PDE10A: variants seen among roughly 807,000 people sequenced by gnomAD.
PDE10A encodes the protein phosphodiesterase 10A.
Under a neutral mutation model 97.7 loss-of-function variants are expected in PDE10A, and 39 were observed. The ratio of observed to expected loss-of-function variants is 0.40; its 90% confidence interval spans 0.31 to 0.52. The LOEUF (loss-of-function observed/expected upper bound fraction) is 0.52, where lower values mean the gene tolerates loss of function less well. Ranked by LOEUF, PDE10A falls within the 20% of genes least tolerant of loss-of-function variation. PDE10A has a pLI of 0.56. For missense variants in PDE10A, 731 were observed against 1,047.8 expected (o/e 0.70, Z 4.17); for synonymous variants, 371 against 376.8 (o/e 0.98, Z 0.18).
intron 3 of PDE10A, 56 bp from the exon 4 acceptor site, chr6:165,450,418 A>C: frequency 1.9e-6 from 2 of 1,061,642 alleles, no homozygotes; most frequent in Non-Finnish European, 2.7e-6. Flanking sequence ...TATAACAAAA[A>C]TTCCTTAGTC....
intron 3 of PDE10A, among the ~76,000 whole-genome samples, chr6:165,453,433 T>C (rs1289832860): frequency 1.3e-5 from 2 of 152,168 alleles, no homozygotes; most frequent in African/African-American, 4.8e-5. Flanking sequence ...AGAAAGACCA[T>C]AAAGCTGCTT....
intron 13 of PDE10A, among the ~76,000 whole-genome samples, chr6:165,405,389 C>T (rs949150772): frequency 1.3e-5 from 2 of 152,070 alleles, no homozygotes; most frequent in African/African-American, 4.8e-5. Flanking sequence ...AACAACAAAC[C>T]AGCTATATAT....
At chr6:165,592,084 C>T (rs559597399) in intron 1 of PDE10A, among the ~76,000 whole-genome samples, 1 of 152,306 alleles carries the variant, frequency 6.6e-6, no homozygotes, top group African/African-American at 2.4e-5. Flanking sequence ...ACCAAAACAG[C>T]ATGGTACTGA....
intron 1 of PDE10A, among the ~76,000 whole-genome samples, chr6:165,907,035 G>C (rs190978244): frequency 1.3e-5 from 2 of 152,184 alleles, no homozygotes; most frequent in African/African-American, 4.8e-5. Flanking sequence ...CTTTCTTTAC[G>C]GGCCAGGCAA....
rs367815321 is a variant in PDE10A, at chr6:165,779,155, C to T, written c.-615+208374G>A. On this transcript the variant is annotated intron_variant, in intron 1 of 19. Coordinates refer to the PDE10A transcript ENST00000366882. ...TTTAATATATTGCCTTCCACACAAA[C>T]TATTAGGAATTGATGGTGTGAGGTA... Among the ~76,000 whole-genome samples, 12 of 152,278 alleles carry T rather than the reference C, an allele frequency of 7.9e-5. No homozygotes were observed. The East Asian group carries it at 1.7e-3, about 22-fold the overall frequency.
At position 165,331,970 on chromosome 6, in the gene PDE10A, G is replaced by A. The variant is rs1036214794; in HGVS notation, c.*1055C>T. 3 of 152,168 alleles carry A rather than the reference G, an allele frequency of 2.0e-5. No homozygotes were observed. The highest frequency in any genetic ancestry group is 7.2e-5 in the African/African-American group (3 of 41,428). 9.4% of individuals were successfully genotyped at this position (152,168 alleles called of 1,614,324 possible). ...AGTACGTGGAAGAGATAAGTGAGAG[G>A]TGACTGCGGCAGGTCAGAGTAAAAT... is the stretch of plus-strand genomic sequence containing the variant. On this transcript the variant is annotated 3_prime_UTR_variant, in exon 22 of 22. Transcript: ENST00000539869.
intron 10 of PDE10A, among the ~76,000 whole-genome samples, chr6:165,428,339 A>G (rs1286551193): frequency 4.6e-5 from 7 of 152,186 alleles, no homozygotes; most frequent in African/African-American, 1.4e-4. Context: ...CTTGAAGATC[A>G]GGAAAAAATC....
intron 1 of PDE10A, among the ~76,000 whole-genome samples, chr6:165,758,503 AAAGAAGAAAGAAG>A (rs1793170559): frequency 1.3e-5 from 1 of 76,226 alleles, no homozygotes; most frequent in African/African-American, 2.9e-5. Context: ...AAGAAAGAAG[AAAGAAGAAAGAAG>A]AAGAAGAAGA....
intron 1 of PDE10A, among the ~76,000 whole-genome samples, chr6:165,582,193 C>T (rs1042712145): frequency 6.6e-6 from 1 of 152,120 alleles, no homozygotes; most frequent in African/African-American, 2.4e-5. Context: ...CAGCTCTATA[C>T]AGAAGTACAG....
intron 3 of PDE10A, among the ~76,000 whole-genome samples, chr6:165,461,579 T>TA (rs1778330806): frequency 3.9e-5 from 6 of 152,216 alleles, no homozygotes; most frequent in Admixed American, 2.6e-4. Flanking sequence ...AATGCTCAGT[T>TA]ACGATTTCAT....
chr6:165,519,068 T>C (rs1781986171), intron 2 of PDE10A, among the ~76,000 whole-genome samples: 2 of 152,214 alleles, frequency 1.3e-5, no homozygotes, highest in African/African-American at 4.8e-5. Flanking sequence ...TAATCTGTCA[T>C]GGAACTATCA....
intron 1 of PDE10A, among the ~76,000 whole-genome samples, chr6:165,906,440 T>C (rs1446911745): frequency 6.6e-6 from 1 of 152,116 alleles, no homozygotes; most frequent in African/African-American, 2.4e-5. Context: ...TATGCACTTG[T>C]CTTTCAAGGT....
At chr6:165,830,952 C>A (rs535887161) in intron 1 of PDE10A, among the ~76,000 whole-genome samples, 4 of 152,160 alleles carry the variant, frequency 2.6e-5, no homozygotes, top group Non-Finnish European at 2.9e-5. Flanking sequence ...GAAAGCACTT[C>A]CACTTTTCTC....
rs1274961356 is a variant in PDE10A, at chr6:165,917,071, C to T, written c.-615+70458G>A. On this transcript the variant is annotated intron_variant, in intron 1 of 19. Coordinates refer to the PDE10A transcript ENST00000366882. ...CAGCAGTTCAAAAATGTCAGAGCTC[C>T]AGGTCAGCTTTTCTGAAATTCCTTT... 9.9e-5 allele frequency among the ~76,000 whole-genome samples: 15 copies of T among 152,128 alleles called. No individual in the cohort carries two copies. In the East Asian group the frequency reaches 1.4e-3, roughly 14 times the overall value.
intron 1 of PDE10A, among the ~76,000 whole-genome samples, chr6:165,724,328 T>G (rs968233423): frequency 6.8e-4 from 65 of 95,444 alleles, no homozygotes; most frequent in Non-Finnish European, 1.2e-3. Flanking sequence ...TTAGGGCCCT[T>G]TTGAGACTAA....
chr6:165,653,410 G>C (rs1789780736), intron 1 of PDE10A, among the ~76,000 whole-genome samples: 2 of 152,176 alleles, frequency 1.3e-5, no homozygotes, highest in South Asian at 2.1e-4. Flanking sequence ...CAGGGAAAAA[G>C]GGTTCCAGGG....
At chr6:165,918,533 AC>A (rs1782668717) in intron 1 of PDE10A, among the ~76,000 whole-genome samples, 1 of 152,234 alleles carries the variant, frequency 6.6e-6, no homozygotes, top group Non-Finnish European at 1.5e-5. Flanking sequence ...ACTGAGATTT[AC>A]AACTATTTTC....
chr6:165,457,499 A>T (rs1778028497), intron 3 of PDE10A, among the ~76,000 whole-genome samples: 1 of 152,184 alleles, frequency 6.6e-6, no homozygotes, highest in Non-Finnish European at 1.5e-5. Context: ...ATAGAACTGT[A>T]GTGATCTAAT....
chr6:165,842,981 G>A (rs1210307573), intron 1 of PDE10A, among the ~76,000 whole-genome samples: 5 of 152,214 alleles, frequency 3.3e-5, no homozygotes, highest in Non-Finnish European at 5.9e-5. Context: ...ATTAGAGAGA[G>A]CTTTGAAAAT....
Sources: allele counts gnomAD v4.1 joint callset (sites outside exome capture counted in the v4.1 genomes callset), GRCh38; gene constraint gnomAD v4.1.1; transcripts MANE v1.5; gene names NCBI Gene and HGNC (gene_info 2026-07-23, HGNC 2026-07-21).